ACBD6: variants seen among roughly 807,000 people sequenced by gnomAD.
The protein encoded by ACBD6 is acyl-CoA-binding domain-containing protein 6.
Under a neutral mutation model 37.2 loss-of-function variants are expected in ACBD6, and 28 were observed. That is an observed-to-expected ratio of 0.75 (90% confidence interval 0.56 to 1.03). ACBD6 has a LOEUF of 1.03. Ranked by LOEUF, ACBD6 falls within the 50% of genes least tolerant of loss-of-function variation. ACBD6 has a pLI of 0.00. For synonymous variants in ACBD6, 113 were observed against 126.8 expected (o/e 0.89, Z 0.73); for missense variants, 340 against 337.4 (o/e 1.01, Z -0.06).
intron 3 of ACBD6, among the ~76,000 whole-genome samples, chr1:180,430,827 C>T (rs186211127): frequency 2.7e-4 from 41 of 152,064 alleles, no homozygotes; most frequent in African/African-American, 9.4e-4. Context: ...GGATTCAACA[C>T]GTCTTGCCCC....
intron 6 of ACBD6, among the ~76,000 whole-genome samples, chr1:180,338,580 A>T (rs1442661988): frequency 6.6e-6 from 1 of 152,254 alleles, no homozygotes; most frequent in East Asian, 1.9e-4. Context: ...AAACCCTAGA[A>T]GAAAACCTAG....
intron 6 of ACBD6, among the ~76,000 whole-genome samples, chr1:180,390,184 G>A (rs540705387): frequency 1.3e-5 from 2 of 152,082 alleles, no homozygotes; most frequent in Non-Finnish European, 2.9e-5. Flanking sequence ...TTTGTAGAAG[G>A]TGTAAGGAAG....
chr1:180,274,211 C>A lies in ACBD6; in HGVS notation c.*937-99G>T, dbSNP rs771603042. 23 of 1,614,092 alleles carry A rather than the reference C, an allele frequency of 1.4e-5. No individual in the cohort carries two copies. The highest frequency in any genetic ancestry group is 1.4e-5 in the Non-Finnish European group (17 of 1,180,044). The stretch of plus-strand genomic sequence containing the variant: ...GGATCAAATTCTCTCAGAACTTGGC[C>A]ACACCAATAGGATTTATGGCAACGT... On this transcript the variant is annotated intron_variant, in intron 10 of 13. Transcript: ENST00000642319.
At chr1:180,467,465 A>AC (rs1188078748) in intron 3 of ACBD6, among the ~76,000 whole-genome samples, 4 of 149,956 alleles carry the variant, frequency 2.7e-5, no homozygotes, top group Non-Finnish European at 5.9e-5. Flanking sequence ...AAAAAAAAAA[A>AC]AAAAAAACAA....
rs1383651992 is a variant in ACBD6, at chr1:180,435,039, G to C, written c.385-4777C>G. ...GAACACCGACAATACACTAGGCACC[G>C]AGATTACCGTGGAAGGTCAGCTTGC... On this transcript the variant is annotated intron_variant, in intron 3 of 7. Coordinates refer to ENST00000367595, the MANE Select transcript of ACBD6 (RefSeq NM_032360.4). 5 of 948,600 alleles carry C rather than the reference G, an allele frequency of 5.3e-6. No homozygotes were observed. In the South Asian group the frequency reaches 6.4e-5, roughly 12 times the overall value. The allele number at this position is 948,600 out of a possible 1,614,324, so 58.8% of individuals were successfully genotyped here.
chr1:180,332,199 CT>C (rs1335406285), intron 6 of ACBD6, among the ~76,000 whole-genome samples: 1 of 152,170 alleles, frequency 6.6e-6, no homozygotes. Context: ...GTTTGTGGCA[CT>C]TTGTTACAGC....
chr1:180,296,716 C>A (rs1649933605), intron 7 of ACBD6, among the ~76,000 whole-genome samples: 1 of 151,730 alleles, frequency 6.6e-6, no homozygotes, highest in African/African-American at 2.4e-5. Context: ...CAGGCATGAG[C>A]CACCATGTCC....
intron 9 of ACBD6, among the ~76,000 whole-genome samples, chr1:180,280,129 C>T (rs1649262477): frequency 6.6e-6 from 1 of 152,226 alleles, no homozygotes; most frequent in Non-Finnish European, 1.5e-5. Flanking sequence ...TAAAACAGTT[C>T]TATCATTGCA....
chr1:180,339,884 T>C (rs1403201999), intron 6 of ACBD6, among the ~76,000 whole-genome samples: 2 of 148,640 alleles, frequency 1.3e-5, no homozygotes, highest in Non-Finnish European at 3.0e-5. Flanking sequence ...TGCTGGGAGG[T>C]AGGGCAGATT....
chr1:180,412,536 A>T (rs1647902531), intron 5 of ACBD6, among the ~76,000 whole-genome samples: 1 of 152,214 alleles, frequency 6.6e-6, no homozygotes, highest in Non-Finnish European at 1.5e-5. Flanking sequence ...GTTAAAACTC[A>T]GTATGTGAAT....
At chr1:180,474,852 C>G (rs1248297129) in intron 3 of ACBD6, among the ~76,000 whole-genome samples, 3 of 152,230 alleles carry the variant, frequency 2.0e-5, no homozygotes, top group Non-Finnish European at 4.4e-5. Flanking sequence ...CTTTCAGGAT[C>G]TACATTTAAA....
intron 3 of ACBD6, among the ~76,000 whole-genome samples, chr1:180,463,831 A>G (rs1387685394): frequency 6.6e-6 from 1 of 152,254 alleles, no homozygotes; most frequent in East Asian, 1.9e-4. Flanking sequence ...AACTGAATCC[A>G]GCAGCACATC....
At chr1:180,435,902 G>A in intron 3 of ACBD6, 1 of 1,389,938 alleles carries the variant, frequency 7.2e-7, no homozygotes, top group Non-Finnish European at 1.0e-6. Flanking sequence ...CGTCAATGGT[G>A]GTGGCCACAA....
At chr1:180,426,404 T>TGTA (rs1200664866) in intron 4 of ACBD6, among the ~76,000 whole-genome samples, 4 of 152,242 alleles carry the variant, frequency 2.6e-5, no homozygotes, top group African/African-American at 4.8e-5. Context: ...AAGCAATTTC[T>TGTA]TGTATATGTA....
intron 7 of ACBD6, among the ~76,000 whole-genome samples, chr1:180,289,605 A>G (rs916639891): frequency 6.6e-6 from 1 of 152,216 alleles, no homozygotes; most frequent in Admixed American, 6.5e-5. Context: ...ATACTTTTGC[A>G]TATGTTCTCC....
intron 6 of ACBD6, among the ~76,000 whole-genome samples, chr1:180,389,486 G>A (rs1276911283): frequency 1.3e-5 from 2 of 152,180 alleles, no homozygotes; most frequent in African/African-American, 4.8e-5. Flanking sequence ...CTTTATAGCA[G>A]CATGATTTAT....
chr1:180,415,064 G>A (rs144624765), intron 4 of ACBD6, among the ~76,000 whole-genome samples: 31 of 144,646 alleles, frequency 2.1e-4, no homozygotes, highest in African/African-American at 7.2e-4. Flanking sequence ...GCAACAGAGC[G>A]AGACTCCATC....
At chr1:180,307,362 G>C (rs1268914492) in intron 7 of ACBD6, among the ~76,000 whole-genome samples, 4 of 152,130 alleles carry the variant, frequency 2.6e-5, no homozygotes, top group African/African-American at 9.7e-5. Flanking sequence ...GGCTGGGAAG[G>C]GTTGTAGGGA....
At chr1:180,380,927 C>CT (rs1273379713) in intron 6 of ACBD6, among the ~76,000 whole-genome samples, 1 of 152,048 alleles carries the variant, frequency 6.6e-6, no homozygotes, top group African/African-American at 2.4e-5. Context: ...CACACAGTGG[C>CT]TGAATGGCTT....
Sources: allele counts gnomAD v4.1 joint callset (sites outside exome capture counted in the v4.1 genomes callset), GRCh38; gene constraint gnomAD v4.1.1; transcripts MANE v1.5; gene names NCBI Gene and HGNC (gene_info 2026-07-23, HGNC 2026-07-21).